The following RMDN2 variants were observed in gnomAD, a reference collection of about 807,000 sequenced individuals.
RMDN2 encodes regulator of microtubule dynamics protein 2.
RMDN2 carries 61 observed loss-of-function variants against 52.8 expected under a neutral mutation model. The ratio of observed to expected loss-of-function variants is 1.16; its 90% CI spans 0.94 to 1.43. RMDN2 has a LOEUF of 1.43. Among genes scored for constraint, RMDN2 ranks in the 40% most tolerant of loss-of-function variants. The pLI, the probability that RMDN2 is intolerant of heterozygous loss-of-function variation, is 0.00. For missense variants in RMDN2, 592 were observed against 475.3 expected (o/e 1.25, Z -2.28); for synonymous variants, 180 against 153.1 (o/e 1.18, Z -1.30).
chr2:37,949,709 C>CT (rs1378326431), intron 2 of RMDN2, among the ~76,000 whole-genome samples: 1 of 151,996 alleles, frequency 6.6e-6, no homozygotes, highest in Non-Finnish European at 1.5e-5. Context: ...GGAGCAAAGG[C>CT]TAGAGGCGGT....
chr2:37,997,605 G>C, intron 8 of RMDN2, 91 bp downstream of exon 8: 1 of 845,744 alleles, frequency 1.2e-6, no homozygotes, highest in Non-Finnish European at 2.0e-6. Flanking sequence ...TTTTCTCCAT[G>C]TGGAGCCTCA....
At chr2:37,950,409 A>G in intron 2 of RMDN2, 2 of 1,599,202 alleles carry the variant, frequency 1.3e-6, no homozygotes. Context: ...AACTGATGTC[A>G]TGAGATTCTA....
intron 2 of RMDN2, among the ~76,000 whole-genome samples, chr2:37,938,595 A>G (rs1164836693): frequency 6.6e-6 from 1 of 152,076 alleles, no homozygotes; most frequent in Non-Finnish European, 1.5e-5. Flanking sequence ...CTATTCGGGG[A>G]TTTGACTTCT....
At chr2:37,942,344 G>T (rs184050591) in intron 2 of RMDN2, among the ~76,000 whole-genome samples, 1 of 152,094 alleles carries the variant, frequency 6.6e-6, no homozygotes, top group Non-Finnish European at 1.5e-5. Context: ...GTTTCTATTC[G>T]ACCATCTTGC....
chr2:37,981,328 G>C lies in RMDN2; in HGVS notation c.776G>C (p.Gly259Ala). Residue 259 changes from glycine to alanine, a missense_variant, in exon 5 of 11, where the codon GGA (glycine) becomes GCA (alanine). Coordinates refer to ENST00000354545, the MANE Select transcript of RMDN2 (RefSeq NM_001170791.3). ...ERAINRAPMNGHCHLWYAVLC... is the reference protein window; with the variant it reads ...ERAINRAPMNAHCHLWYAVLC... ...GCTATTAATAGAGCACCCATGAATGGACATTGTCATCTGTGGTAAGTGTAT... is the reference window on the plus strand; with the variant it reads ...GCTATTAATAGAGCACCCATGAATGCACATTGTCATCTGTGGTAAGTGTAT... 1 of 1,606,378 alleles carries C rather than the reference G, an allele frequency of 6.2e-7. No homozygotes were observed. Among genetic ancestry groups the C allele is most frequent in the Non-Finnish European group, 8.5e-7 (1 of 1,173,082 alleles).
intron 2 of RMDN2, among the ~76,000 whole-genome samples, chr2:37,933,325 C>T (rs572230342): frequency 0.028 from 4,202 of 151,408 alleles, 176 homozygotes; most frequent in African/African-American, 0.096. Context: ...ACATCCCAGA[C>T]GATGGGCGGC....
chr2:37,942,326 C>T (rs1056353693), intron 2 of RMDN2, among the ~76,000 whole-genome samples: 3 of 152,166 alleles, frequency 2.0e-5, no homozygotes, highest in Admixed American at 6.5e-5. Context: ...ATGCTGCAGA[C>T]TGGAGCTGTT....
At chr2:38,015,783 A>G (rs900725884) in intron 10 of RMDN2, among the ~76,000 whole-genome samples, 2 of 152,184 alleles carry the variant, frequency 1.3e-5, no homozygotes, top group Non-Finnish European at 2.9e-5. Context: ...CGATCTAACA[A>G]CATGTCAATA....
intron 2 of RMDN2, among the ~76,000 whole-genome samples, chr2:37,941,901 G>A (rs1404149885): frequency 1.3e-5 from 2 of 150,958 alleles, no homozygotes; most frequent in Non-Finnish European, 2.9e-5. Context: ...AGGGGAGTGA[G>A]TGGTTCTGTC....
At chr2:37,957,824 A>G (rs1483143668) in intron 2 of RMDN2, among the ~76,000 whole-genome samples, 1 of 152,144 alleles carries the variant, frequency 6.6e-6, no homozygotes, top group Non-Finnish European at 1.5e-5. Flanking sequence ...ATTTTTGTAT[A>G]AGGTATAAGG....
intron 1 of RMDN2, 22 bp downstream of exon 1, chr2:37,925,447 G>GGGCTGCTCAGCCGCTGGGGGCC (rs1263212992): frequency 1.3e-5 from 2 of 152,464 alleles, no homozygotes; most frequent in African/African-American, 2.4e-5. Context: ...GTCTGGGAGG[G>GGGCTGCTCAGCCGCTGGGGGCC]GGCTGCTCAG....
At chr2:38,024,800 C>T (rs1217740091) in intron 10 of RMDN2, among the ~76,000 whole-genome samples, 1 of 152,126 alleles carries the variant, frequency 6.6e-6, no homozygotes, top group Non-Finnish European at 1.5e-5. Context: ...TGTTGTTTCT[C>T]CATAGACTTG....
chr2:38,012,550 A>T (rs1678152585), intron 10 of RMDN2: 1 of 462,526 alleles, frequency 2.2e-6, no homozygotes. Context: ...GTATTTCTGT[A>T]ATAAGCAAAA....
At chr2:37,933,372 C>T (rs1203935067) in intron 2 of RMDN2, among the ~76,000 whole-genome samples, 1 of 152,200 alleles carries the variant, frequency 6.6e-6, no homozygotes, top group African/African-American at 2.4e-5. Flanking sequence ...GACGGGGTGG[C>T]GGCTGGGCAG....
At chr2:37,935,878 T>C (rs1430234442) in intron 2 of RMDN2, among the ~76,000 whole-genome samples, 1 of 152,200 alleles carries the variant, frequency 6.6e-6, no homozygotes, top group Non-Finnish European at 1.5e-5. Context: ...TTGATGGATG[T>C]TTAGGTTATC....
At chr2:37,950,274 T>C in intron 2 of RMDN2, 1 of 513,768 alleles carries the variant, frequency 1.9e-6, no homozygotes, top group Non-Finnish European at 3.5e-6. Context: ...ATTGTCCTTA[T>C]CCAGCTGTTT....
intron 2 of RMDN2, among the ~76,000 whole-genome samples, chr2:37,957,262 C>T (rs943195399): frequency 2.6e-5 from 4 of 152,180 alleles, no homozygotes; most frequent in African/African-American, 9.7e-5. Context: ...AACTAATTTA[C>T]ACTCCCACCA....
At chr2:37,996,544 G>A (rs376992342) in intron 7 of RMDN2, among the ~76,000 whole-genome samples, 100 of 149,578 alleles carry the variant, frequency 6.7e-4, no homozygotes, top group African/African-American at 2.0e-3. Context: ...TGATCGTGCC[G>A]CTGTACGGTA....
At chr2:37,971,050 A>AAGAC (rs1671745841) in intron 2 of RMDN2, among the ~76,000 whole-genome samples, 1 of 151,816 alleles carries the variant, frequency 6.6e-6, no homozygotes, top group East Asian at 1.9e-4. Context: ...TAAGTTTTTC[A>AAGAC]TTTTGATAAA....
Sources: gnomAD v4.1 joint callset for allele counts (sites outside exome capture counted in the v4.1 genomes callset) on GRCh38, gnomAD v4.1.1 for gene constraint, MANE v1.5 for transcripts, NCBI Gene and HGNC (gene_info 2026-07-23, HGNC 2026-07-21) for gene names.